RUBCNL: variants seen among roughly 807,000 people sequenced by gnomAD.
The protein encoded by RUBCNL is protein associated with UVRAG as autophagy enhancer.
RUBCNL carries 62 observed loss-of-function variants against 69.5 expected under a neutral mutation model. That is an observed-to-expected ratio of 0.89 (90% CI 0.73 to 1.10). The LOEUF (loss-of-function observed/expected upper bound fraction) is 1.10. RUBCNL is among the 50% of genes least tolerant of loss of function. The probability of loss-of-function intolerance (pLI) is 0.00; values close to 1 mark genes in which losing one functional copy is unlikely to be tolerated. For missense variants in RUBCNL, 768 were observed against 798.1 expected (o/e 0.96, Z 0.45); for synonymous variants, 291 against 303.6 (o/e 0.96, Z 0.43).
chr13:46,382,343 G>A (rs1483436130), intron 1 of RUBCNL, among the ~76,000 whole-genome samples: 2 of 151,760 alleles, frequency 1.3e-5, no homozygotes, highest in African/African-American at 2.4e-5. Context: ...GAGTAGATAC[G>A]GGAAATACTG....
chr13:46,339,101 T>A lies in RUBCNL; in HGVS notation c.*4284A>T, dbSNP rs1382452349. 6.6e-6 allele frequency among the ~76,000 whole-genome samples: 1 copy of A among 151,822 alleles called. No homozygotes were observed. The highest frequency in any genetic ancestry group is 1.5e-5 in the Non-Finnish European group (1 of 67,982). On this transcript the variant is annotated 3_prime_UTR_variant, in exon 15 of 15. Transcript: ENST00000429979. Reference sequence around the variant, plus strand: ...TACACAATTTGCTTAACCTATGTGGTTAAGCTCTTCAATCCTCAGTCCCCT... The same window carrying A: ...TACACAATTTGCTTAACCTATGTGGATAAGCTCTTCAATCCTCAGTCCCCT...
At chr13:46,345,856 T>C (rs895998922) in intron 12 of RUBCNL, among the ~76,000 whole-genome samples, 2 of 152,234 alleles carry the variant, frequency 1.3e-5, no homozygotes, top group African/African-American at 2.4e-5. Flanking sequence ...CTGTATCTCT[T>C]ACAGCCTGCC....
chr13:46,373,884 C>T (rs1332358611), intron 2 of RUBCNL, among the ~76,000 whole-genome samples: 1 of 152,256 alleles, frequency 6.6e-6, no homozygotes, highest in African/African-American at 2.4e-5. Context: ...CAACCTGATA[C>T]ATCCAAAACA....
At chr13:46,354,762 C>A in intron 10 of RUBCNL, 1 of 456,710 alleles carries the variant, frequency 2.2e-6, no homozygotes. Context: ...CATACACTTA[C>A]TTGGCTGATG....
intron 2 of RUBCNL, among the ~76,000 whole-genome samples, chr13:46,376,065 G>T (rs1393531943): frequency 2.0e-5 from 3 of 151,920 alleles, no homozygotes; most frequent in Admixed American, 6.6e-5. Flanking sequence ...CTGCTTTATT[G>T]TAAGAATGCT....
At position 46,339,390 on chromosome 13, in the gene RUBCNL, G is replaced by A. The variant is rs1160914702; in HGVS notation, c.*3995C>T. Among the ~76,000 whole-genome samples the A allele has an allele frequency of 6.6e-6, 1 of 152,186 alleles. No individual in the cohort carries two copies. The highest frequency in any genetic ancestry group is 1.5e-5 in the Non-Finnish European group (1 of 68,034). Reference sequence around the variant, plus strand: ...ATGACACACTTCACCCTCCTTTGGCGATGAGTTCAGGAAGGCTTCCTGCAG... The same window carrying A: ...ATGACACACTTCACCCTCCTTTGGCAATGAGTTCAGGAAGGCTTCCTGCAG... On this transcript the variant is annotated 3_prime_UTR_variant, in exon 15 of 15. Transcript: ENST00000429979.
rs753395269 is a variant in RUBCNL, at chr13:46,341,692, T to C, written c.*1693A>G. 6.6e-6 allele frequency among the ~76,000 whole-genome samples: 1 copy of C among 152,208 alleles called. No individual in the cohort carries two copies. The highest frequency in any genetic ancestry group is 2.1e-4 in the South Asian group (1 of 4,838). ...TGATGTGAGAAAACACTCTGCCCAA[T>C]GCCACTTCTGCAAGTTGGAGCAACA... is the stretch of plus-strand genomic sequence containing the variant. On this transcript the variant is annotated 3_prime_UTR_variant, in exon 15 of 15. Transcript: ENST00000429979.
rs2048127450 is a variant in RUBCNL at position 46,339,661 on chromosome 13, C to A, written c.*3724G>T. On this transcript the variant is annotated 3_prime_UTR_variant, in exon 15 of 15. Coordinates refer to ENST00000429979, the MANE Select transcript of RUBCNL (RefSeq NM_025113.5). The stretch of plus-strand genomic sequence containing the variant: ...ATCACCTGAGGTCAGGGGTTAGAGA[C>A]CAGCCTTGCCAACATGGTGAAAACC... 6.6e-6 allele frequency among the ~76,000 whole-genome samples: 1 copy of A among 152,252 alleles called. No individual in the cohort carries two copies. The highest frequency in any genetic ancestry group is 1.5e-5 in the Non-Finnish European group (1 of 68,016).
chr13:46,385,608 T>A (rs973240161), intron 1 of RUBCNL, among the ~76,000 whole-genome samples: 1 of 150,856 alleles, frequency 6.6e-6, no homozygotes, highest in Non-Finnish European at 1.5e-5. Context: ...GGGGAAAAAA[T>A]GTGTCAGCAA....
In RUBCNL at chr13:46,345,500, G is replaced by A. The variant is rs879719709; in HGVS notation, c.1732C>T (p.Pro578Ser). Residue 578 changes from proline (P) to serine (S), a missense_variant, in exon 13 of 15, where the codon CCC becomes TCC. Physicochemically the swap from Pro to Ser is moderately conservative, Grantham distance 74. Transcript: ENST00000429979. ...GCTTTCAGAATGTCCTTGAGTAAGG[G>A]TGCCAGCAGCCCTTTCTTGATCCTG... ...LVRIKKGLLA[P>S]LLKDILKASL... 4 of 1,601,776 alleles carry A rather than the reference G, an allele frequency of 2.5e-6. No individual in the cohort carries two copies. The highest frequency in any genetic ancestry group is 3.4e-6 in the Non-Finnish European group (4 of 1,174,154).
Position 46,348,374 on chromosome 13 carries a change from T to G in RUBCNL, c.1631+912A>C, listed in dbSNP as rs180924509. On this transcript the variant is annotated intron_variant, in intron 12 of 14. Coordinates refer to ENST00000429979, the MANE Select transcript of RUBCNL (RefSeq NM_025113.5). ...CACAATTTAATGATAACAATAATAATAATAAAAAGGTCACTGGCTAGAGTT... is the reference window on the plus strand; with the variant it reads ...CACAATTTAATGATAACAATAATAAGAATAAAAAGGTCACTGGCTAGAGTT... Among the ~76,000 whole-genome samples the G allele has an allele frequency of 3.3e-4, 51 of 152,250 alleles. No homozygotes were observed. In the East Asian group the frequency reaches 7.5e-3, roughly 22 times the overall value.
At chr13:46,377,831 T>C (rs2049028947) in intron 2 of RUBCNL, 59 bp downstream of exon 2, 1 of 976,014 alleles carries the variant, frequency 1.0e-6, no homozygotes, top group African/African-American at 1.6e-5. Context: ...CACAACCATG[T>C]CTAAGGTCAC....
intron 12 of RUBCNL, among the ~76,000 whole-genome samples, chr13:46,345,939 T>C (rs759982672): frequency 6.6e-6 from 1 of 152,204 alleles, no homozygotes; most frequent in Non-Finnish European, 1.5e-5. Flanking sequence ...CTAGTACCCT[T>C]TGATTACCAA....
rs2048142387 is a variant in RUBCNL at position 46,341,525 on chromosome 13, C to A, written c.*1860G>T. ...AAATAGAAAATCAAAAGCATCACTT[C>A]CTGGCAACTGCTGTGCACTCTTCCT... On this transcript the variant is annotated 3_prime_UTR_variant, in exon 15 of 15. Coordinates refer to ENST00000429979, the MANE Select transcript of RUBCNL (RefSeq NM_025113.5). Among the ~76,000 whole-genome samples, 1 of 152,194 alleles carries A rather than the reference C, an allele frequency of 6.6e-6. No individual in the cohort carries two copies. Among genetic ancestry groups the A allele is most frequent in the African/African-American group, 2.4e-5 (1 of 41,454 alleles).
intron 14 of RUBCNL, among the ~76,000 whole-genome samples, chr13:46,343,966 C>T (rs1002710918): frequency 6.6e-6 from 1 of 152,188 alleles, no homozygotes; most frequent in African/African-American, 2.4e-5. Context: ...TGAAAGGCCA[C>T]CAAACTCCAG....
intron 1 of RUBCNL, among the ~76,000 whole-genome samples, chr13:46,382,955 A>AAT (rs777074256): frequency 6.6e-6 from 1 of 152,224 alleles, no homozygotes; most frequent in Non-Finnish European, 1.5e-5. Flanking sequence ...ATTTTTTAGA[A>AAT]ATATATATAC....
At chr13:46,358,492 T>A (rs943162402) in intron 9 of RUBCNL, among the ~76,000 whole-genome samples, 2 of 152,254 alleles carry the variant, frequency 1.3e-5, no homozygotes, top group African/African-American at 4.8e-5. Flanking sequence ...TTAGTTGTTT[T>A]GTCTTTTAGA....
intron 1 of RUBCNL, among the ~76,000 whole-genome samples, chr13:46,384,870 A>G (rs1196705763): frequency 6.6e-6 from 1 of 152,190 alleles, no homozygotes; most frequent in African/African-American, 2.4e-5. Flanking sequence ...TACGGGTTAG[A>G]AAAGGAAGTA....
intron 3 of RUBCNL, 122 bp downstream of exon 3, chr13:46,371,819 G>T: frequency 3.0e-6 from 3 of 1,007,860 alleles, no homozygotes; most frequent in Non-Finnish European, 4.3e-6. Flanking sequence ...TGGCTGGGCT[G>T]CTGACAATAT....
Sources: allele counts gnomAD v4.1 joint callset (sites outside exome capture counted in the v4.1 genomes callset), GRCh38; gene constraint gnomAD v4.1.1; transcripts MANE v1.5; gene names NCBI Gene and HGNC (gene_info 2026-07-23, HGNC 2026-07-21).